OTOGL: variants seen among roughly 807,000 people sequenced by gnomAD.
OTOGL encodes the protein otogelin-like protein.
A neutral mutation model predicts 318.5 loss-of-function variants in OTOGL; 285 were observed. The observed-to-expected ratio is 0.89, with a 90% CI of 0.81 to 0.99. The LOEUF (loss-of-function observed/expected upper bound fraction) is 0.99, where lower values mean the gene tolerates loss of function less well. OTOGL is among the 50% of genes least tolerant of loss of function. The probability of loss-of-function intolerance (pLI) is 0.00; values close to 1 mark genes in which losing one functional copy is unlikely to be tolerated. For missense variants in OTOGL, 2,899 were observed against 2,845.6 expected (o/e 1.02, Z -0.43); for synonymous variants, 987 against 936.5 (o/e 1.05, Z -0.99).
chr12:80,285,876 C>T (rs1884580809), intron 26 of OTOGL, among the ~76,000 whole-genome samples: 1 of 152,048 alleles, frequency 6.6e-6, no homozygotes, highest in East Asian at 1.9e-4. Flanking sequence ...TTTCTCTTGC[C>T]TAATTGCCCT....
chr12:80,310,597 A>C lies in OTOGL; in HGVS notation c.3334-14A>C. ...CTTTGAAAACTTCTTTTCTCTCTTAAATTTTTTCAACAGTGTGAAAGTCCA... is the reference window on the plus strand; with the variant it reads ...CTTTGAAAACTTCTTTTCTCTCTTACATTTTTTCAACAGTGTGAAAGTCCA... On this transcript the variant is annotated splice_polypyrimidine_tract_variant and intron_variant, in intron 29 of 58. Transcript: ENST00000547103. 6.5e-7 allele frequency: 1 copy of C among 1,541,884 alleles called. No homozygotes were observed.
At chr12:80,256,289 C>G in intron 16 of OTOGL, 48 bp from the exon 17 acceptor site, 1 of 1,457,216 alleles carries the variant, frequency 6.9e-7, no homozygotes, top group Non-Finnish European at 9.3e-7. Flanking sequence ...CTTTCTATGG[C>G]TCTCTCTCTC....
intron 44 of OTOGL, among the ~76,000 whole-genome samples, chr12:80,351,446 G>T (rs908089747): frequency 5.3e-5 from 8 of 152,208 alleles, no homozygotes; most frequent in African/African-American, 1.9e-4. Context: ...CTCTGGAGTA[G>T]CTGGGATTAC....
At chr12:80,263,228 C>T (rs1882690101) in intron 19 of OTOGL, among the ~76,000 whole-genome samples, 1 of 152,062 alleles carries the variant, frequency 6.6e-6, no homozygotes, top group Admixed American at 6.6e-5. Context: ...TTAACAATAC[C>T]TTCCTCCATT....
chr12:80,261,894 C>T, intron 18 of OTOGL, 75 bp from the exon 19 acceptor site: 5 of 1,479,640 alleles, frequency 3.4e-6, no homozygotes, highest in South Asian at 1.4e-5. Flanking sequence ...ATAGTATTCT[C>T]TTATTTAAAT....
Position 80,323,732 on chromosome 12 carries a change from C to T in OTOGL, c.4091C>T (p.Ala1364Val). 2 of 1,612,872 alleles carry T rather than the reference C, an allele frequency of 1.2e-6. No homozygotes were observed. Among genetic ancestry groups the T allele is most frequent in the Non-Finnish European group, 1.7e-6 (2 of 1,178,956 alleles). The change falls in exon 35 of 59, where the codon GCA (alanine) becomes GTA (valine). Residue 1364 changes from alanine (A) to valine (V), a missense_variant. By Grantham distance (64) the Ala-to-Val change is moderately conservative (BLOSUM62 0). Transcript: ENST00000547103. ...SSSFSIEEIQ[A>V]AVPYRKMCEW... Reference sequence around the variant, plus strand: ...CTTTATTTTTTCCCAGAAATCCAGGCAGCAGTGCCTTACAGGAAGATGTGT... The same window carrying T: ...CTTTATTTTTTCCCAGAAATCCAGGTAGCAGTGCCTTACAGGAAGATGTGT...
At chr12:80,129,240 G>C (rs1270511162) in intron 1 of OTOGL, among the ~76,000 whole-genome samples, 3 of 152,202 alleles carry the variant, frequency 2.0e-5, no homozygotes, top group Admixed American at 6.5e-5. Context: ...TCTTGGAAGA[G>C]AGAGTGTAAG....
intron 29 of OTOGL, among the ~76,000 whole-genome samples, chr12:80,307,607 C>CG (rs1290915255): frequency 5.5e-5 from 7 of 128,302 alleles, no homozygotes; most frequent in Admixed American, 1.5e-4. Context: ...GCTGGCTGGG[C>CG]GGGGGGCTGA....
intron 16 of OTOGL, 134 bp downstream of exon 16, chr12:80,255,319 A>G (rs1030894309): frequency 9.8e-5 from 87 of 891,896 alleles, no homozygotes; most frequent in Admixed American, 2.0e-4. Context: ...GATTATTAAG[A>G]TACATCATTA....
chr12:80,335,918 A>T lies in OTOGL; in HGVS notation c.4423-45A>T, dbSNP rs780893039. The T allele has an allele frequency of 2.2e-5, 32 of 1,461,232 alleles. No individual in the cohort carries two copies. In the East Asian group the frequency reaches 6.5e-4, roughly 30 times the overall value. 90.5% of individuals were successfully genotyped at this position (1,461,232 alleles called of 1,614,324 possible). A position where few individuals can be genotyped will look rare whatever the true frequency, so the allele number is the denominator to read the frequency against. Reference sequence around the variant, plus strand: ...TGGAATTTAAAAATCAATTAAAAACATTAGCTGAGAATGAAAAAACCCACT... The same window carrying T: ...TGGAATTTAAAAATCAATTAAAAACTTTAGCTGAGAATGAAAAAACCCACT... On this transcript the variant is annotated intron_variant, in intron 38 of 58. Coordinates refer to ENST00000547103, the MANE Select transcript of OTOGL (RefSeq NM_001378609.3).
Position 80,367,663 on chromosome 12 carries a change from T to A in OTOGL, c.6434T>A (p.Leu2145Gln). 6.7e-7 allele frequency: 1 copy of A among 1,499,136 alleles called. No homozygotes were observed. 92.9% of individuals were successfully genotyped at this position (1,499,136 alleles called of 1,614,324 possible). ...GACTTTTGTTATGCTATAGAGTGTC[T>A]GGAAGAAAAAGATAACCATACGGGC... The part of the protein sequence containing the change: ...EEDFCYAIEC[L>Q]EEKDNHTGFH... The change falls in exon 54 of 59, where the codon CTG (leucine) becomes CAG (glutamine). Residue 2145 changes from leucine (L) to glutamine (Q), a missense_variant. Leu to Gln is a moderately radical substitution (Grantham distance 113). This residue lies in a region of OTOGL where 289 missense variants were observed against 304.6 expected (regional missense o/e 0.95). Coordinates refer to ENST00000547103, the MANE Select transcript of OTOGL (RefSeq NM_001378609.3).
chr12:80,221,140 G>A (rs988547842), intron 6 of OTOGL, among the ~76,000 whole-genome samples: 3 of 151,912 alleles, frequency 2.0e-5, no homozygotes, highest in African/African-American at 7.3e-5. Context: ...AAATTGAATA[G>A]AAGATTATCT....
Position 80,253,493 on chromosome 12 carries a change from T to A in OTOGL, c.1313T>A (p.Ile438Asn). ...DGLVMDNGTCISLENCPCGFH... is the reference protein window; with the variant it reads ...DGLVMDNGTCNSLENCPCGFH... ...CTCGTAATGGACAATGGGACTTGCA[T>A]CTCCTTGGAAAATTGCCCATGCGGT... Residue 438 changes from isoleucine (I) to asparagine (N), a missense_variant, in exon 14 of 59, where the codon ATC (isoleucine) becomes AAC (asparagine). Coordinates refer to ENST00000547103, the MANE Select transcript of OTOGL (RefSeq NM_001378609.3). 6.2e-7 allele frequency: 1 copy of A among 1,613,316 alleles called. No homozygotes were observed. The highest frequency in any genetic ancestry group is 8.5e-7 in the Non-Finnish European group (1 of 1,179,366).
At chr12:80,288,797 A>C (rs1205872307) in intron 26 of OTOGL, among the ~76,000 whole-genome samples, 1 of 151,910 alleles carries the variant, frequency 6.6e-6, no homozygotes, top group Non-Finnish European at 1.5e-5. Context: ...AGTTCCTGTA[A>C]CCTTTTATCA....
chr12:80,189,924 T>A (rs1875555585), intron 1 of OTOGL, among the ~76,000 whole-genome samples: 1 of 152,192 alleles, frequency 6.6e-6, no homozygotes, highest in Non-Finnish European at 1.5e-5. Flanking sequence ...CAAACTGGTT[T>A]CTACTTTGTC....
Position 80,372,067 on chromosome 12 carries a change from A to G in OTOGL, c.6781+3A>G. The G allele has an allele frequency of 6.5e-7, 1 of 1,541,840 alleles. No homozygotes were observed. Among genetic ancestry groups the G allele is most frequent in the Non-Finnish European group, 8.8e-7 (1 of 1,140,552 alleles). ...TAATGAAGGCTGTTGCAAGATCTGT[A>G]AGTGAGAGCATATTCCATGCATTTA... is the stretch of plus-strand genomic sequence containing the variant. On this transcript the variant is annotated splice_donor_region_variant and intron_variant, in intron 57 of 58. Coordinates refer to ENST00000547103, the MANE Select transcript of OTOGL (RefSeq NM_001378609.3).
Position 80,184,004 on chromosome 12 carries a change from G to A in OTOGL, c.-19-25409G>A, listed in dbSNP as rs886366286. ...ATGGGTGATTATTATGTATATTAGA[G>A]TGTTCTCTCTTCAAATAGGTCCCTT... On this transcript the variant is annotated intron_variant, in intron 1 of 58. Coordinates refer to ENST00000547103, the MANE Select transcript of OTOGL (RefSeq NM_001378609.3). Among the ~76,000 whole-genome samples, 15 of 152,254 alleles carry A rather than the reference G, an allele frequency of 9.9e-5. No individual in the cohort carries two copies. In the South Asian group the frequency reaches 3.1e-3, roughly 32 times the overall value.
chr12:80,295,251 A>G (rs1485386098), intron 26 of OTOGL, among the ~76,000 whole-genome samples: 1 of 138,936 alleles, frequency 7.2e-6, no homozygotes, highest in Non-Finnish European at 1.5e-5. Context: ...GTCTCAGCTT[A>G]CTGCAACTTC....
intron 38 of OTOGL, among the ~76,000 whole-genome samples, chr12:80,334,000 A>G (rs936742402): frequency 4.6e-5 from 7 of 152,222 alleles, no homozygotes; most frequent in African/African-American, 1.7e-4. Flanking sequence ...CTTCTGTTCT[A>G]AATGACTTGG....
Sources: gnomAD v4.1 joint callset for allele counts (sites outside exome capture counted in the v4.1 genomes callset) on GRCh38, gnomAD v4.1.1 for gene constraint, gnomAD v4.1.1 regional missense constraint, MANE v1.5 for transcripts, NCBI Gene and HGNC (gene_info 2026-07-23, HGNC 2026-07-21) for gene names.